The following SRL variants were observed in gnomAD, a reference collection of about 807,000 sequenced individuals.
SRL encodes sarcalumenin.
Under a neutral mutation model 39.5 loss-of-function variants are expected in SRL, and 23 were observed. The ratio of observed to expected loss-of-function variants is 0.58; its 90% CI spans 0.42 to 0.82. SRL has a LOEUF of 0.82. Among genes scored for constraint, SRL ranks in the 40% least tolerant of loss-of-function variants. The pLI is 0.00. For missense variants in SRL, 592 were observed against 607.8 expected (o/e 0.97, Z 0.27); for synonymous variants, 272 against 237.4 (o/e 1.15, Z -1.34).
At chr16:4,219,676 G>C (rs973147951) in intron 1 of SRL, among the ~76,000 whole-genome samples, 1 of 152,098 alleles carries the variant, frequency 6.6e-6, no homozygotes, top group African/African-American at 2.4e-5. Context: ...GCCCAGGCTG[G>C]TCTCAAACTC....
chr16:4,230,029 T>C (rs374590352), intron 1 of SRL, among the ~76,000 whole-genome samples: 1 of 152,052 alleles, frequency 6.6e-6, no homozygotes, highest in African/African-American at 2.4e-5. Context: ...CTCCATCCCT[T>C]TCCCCTCTCT....
chr16:4,195,746 A>G lies in SRL; in HGVS notation c.417T>C (p.His139=). ...PTTSEFTVLM[H]GPKLKTIEGI... ...CCTCGATGGTTTTCAGCTTAGGCCC[A>G]TGCATGAGGACCGTGAACTCAGAGG... Residue 139 remains histidine, a synonymous_variant, in exon 5 of 6, where the codon CAT becomes CAC. Transcript: ENST00000399609. 1.9e-6 allele frequency: 3 copies of G among 1,614,118 alleles called. No homozygotes were observed. Among genetic ancestry groups the G allele is most frequent in the East Asian group, 2.2e-5 (1 of 44,868 alleles).
chr16:4,230,062 C>T (rs2052641927), intron 1 of SRL, among the ~76,000 whole-genome samples: 1 of 152,096 alleles, frequency 6.6e-6, no homozygotes, highest in African/African-American at 2.4e-5. Context: ...GTCAGAGACA[C>T]ACCCCCTAGG....
intron 1 of SRL, among the ~76,000 whole-genome samples, chr16:4,220,901 G>A (rs1028550814): frequency 6.6e-5 from 10 of 151,970 alleles, no homozygotes; most frequent in Non-Finnish European, 8.8e-5. Flanking sequence ...CAGGTGGATC[G>A]CTTGAGCCCA....
chr16:4,237,483 A>G (rs2052725408), intron 1 of SRL, among the ~76,000 whole-genome samples: 1 of 151,980 alleles, frequency 6.6e-6, no homozygotes, highest in Non-Finnish European at 1.5e-5. Context: ...CTGACTAATC[A>G]GTCTCCCCCT....
At chr16:4,235,903 A>ATGG (rs1470712582) in intron 1 of SRL, among the ~76,000 whole-genome samples, 2 of 152,034 alleles carry the variant, frequency 1.3e-5, no homozygotes, top group African/African-American at 4.8e-5. Context: ...CCTGACCAAC[A>ATGG]TGGAGAAACT....
chr16:4,208,593 C>T (rs1462990519), intron 1 of SRL, among the ~76,000 whole-genome samples: 7 of 152,288 alleles, frequency 4.6e-5, no homozygotes, highest in African/African-American at 1.7e-4. Flanking sequence ...TGTCATTAAC[C>T]AGCAGGCTTT....
intron 1 of SRL, among the ~76,000 whole-genome samples, chr16:4,240,954 C>A (rs746987404): frequency 6.6e-6 from 1 of 152,204 alleles, no homozygotes; most frequent in African/African-American, 2.4e-5. Context: ...AGCCCCCCAC[C>A]TTACATCTTG....
chr16:4,198,832 C>T (rs1399094591), intron 3 of SRL, among the ~76,000 whole-genome samples: 2 of 152,212 alleles, frequency 1.3e-5, no homozygotes, highest in African/African-American at 4.8e-5. Context: ...ACTGGCAATT[C>T]TTGGGTCCTG....
At chr16:4,216,592 A>T (rs899559731) in intron 1 of SRL, among the ~76,000 whole-genome samples, 3 of 152,222 alleles carry the variant, frequency 2.0e-5, no homozygotes, top group African/African-American at 7.2e-5. Context: ...TTAAAAAGAC[A>T]AATACCTCAG....
rs765624232 is a variant in SRL at position 4,203,148 on chromosome 16, T to C, written c.259+18A>G. On this transcript the variant is annotated intron_variant, in intron 3 of 5. Transcript: ENST00000399609. The stretch of plus-strand genomic sequence containing the variant: ...CGTACCCGTAATCTCAAGCCCTACC[T>C]GTTATCTCAAGCCCTACCTGTGATC... 1 of 1,607,056 alleles carries C rather than the reference T, an allele frequency of 6.2e-7. No individual in the cohort carries two copies. The highest frequency in any genetic ancestry group is 1.4e-5 in the African/African-American group (1 of 72,178).
chr16:4,239,882 G>A (rs2052754228), intron 1 of SRL: 1 of 152,366 alleles, frequency 6.6e-6, no homozygotes, highest in African/African-American at 2.4e-5. Flanking sequence ...CAAAGAGGAG[G>A]GCCCAGTGGG....
At chr16:4,206,862 T>G (rs1197979723) in intron 1 of SRL, 1 of 456,744 alleles carries the variant, frequency 2.2e-6, no homozygotes, top group South Asian at 1.5e-5. Context: ...TCTGTCCCTG[T>G]GACTTGTGGT....
chr16:4,231,869 A>T (rs1319072057), intron 1 of SRL, among the ~76,000 whole-genome samples: 1 of 152,226 alleles, frequency 6.6e-6, no homozygotes, highest in Non-Finnish European at 1.5e-5. Flanking sequence ...AGTATCTATT[A>T]TCAAAAAATA....
At chr16:4,204,726 G>C in intron 1 of SRL, 92 bp from the exon 2 acceptor site, 1 of 1,055,474 alleles carries the variant, frequency 9.5e-7, no homozygotes, top group Non-Finnish European at 1.5e-6. Flanking sequence ...TGGGCCTCAA[G>C]CAGGGGCTCA....
chr16:4,207,988 C>A, intron 1 of SRL: 1 of 456,748 alleles, frequency 2.2e-6, no homozygotes, highest in Non-Finnish European at 4.4e-6. Context: ...TCTTGAGGGG[C>A]TGTGTCTGCA....
At chr16:4,197,642 G>T (rs958457079) in intron 4 of SRL, among the ~76,000 whole-genome samples, 157 bp downstream of exon 4, 2 of 151,528 alleles carry the variant, frequency 1.3e-5, no homozygotes, top group Non-Finnish European at 2.9e-5. Context: ...GGCCAGGCTG[G>T]TCTCAAACTG....
chr16:4,238,475 A>G (rs980467009), intron 1 of SRL, among the ~76,000 whole-genome samples: 1 of 152,174 alleles, frequency 6.6e-6, no homozygotes, highest in Non-Finnish European at 1.5e-5. Flanking sequence ...ATAAGCGGGT[A>G]AAAGCACTGG....
intron 1 of SRL, among the ~76,000 whole-genome samples, chr16:4,215,275 G>T (rs113925742): frequency 1.3e-5 from 2 of 152,216 alleles, no homozygotes; most frequent in African/African-American, 4.8e-5. Context: ...TTCTTGGAAG[G>T]CTTCTTTGGC....
Sources: gnomAD v4.1 joint callset for allele counts (sites outside exome capture counted in the v4.1 genomes callset) on GRCh38, gnomAD v4.1.1 for gene constraint, MANE v1.5 for transcripts, NCBI Gene and HGNC (gene_info 2026-07-23, HGNC 2026-07-21) for gene names.